Variants in CUL9 observed in about 807,000 individuals in gnomAD.
CUL9 encodes the protein cullin 9.
A neutral mutation model predicts 272.6 loss-of-function variants in CUL9; 79 were observed. That is an observed-to-expected ratio of 0.29 (90% CI 0.24 to 0.35). The LOEUF is 0.35. Ranked by LOEUF, CUL9 falls within the 10% of genes least tolerant of loss-of-function variation. The pLI is 1.00. For synonymous variants in CUL9, 1,186 were observed against 1,286.5 expected (o/e 0.92, Z 1.67); for missense variants, 2,532 against 3,255.6 (o/e 0.78, Z 5.41).
chr6:43,194,319 CTTTTCTTTTCT>C lies in CUL9; in HGVS notation c.2388+1120_2388+1130del, dbSNP rs1456964405. The stretch of plus-strand genomic sequence containing the variant: ...TCTTTTTTTTTCTTTTTTCTTTTTT[CTTTTCTTTTCT>C]TTTTCTTTGACGGAGTCTTGCTCTG... On this transcript the variant is annotated intron_variant, in intron 9 of 40. Transcript: ENST00000252050. Among the ~76,000 whole-genome samples the C allele has an allele frequency of 9.5e-5, 14 of 147,716 alleles. No individual in the cohort carries two copies. In the East Asian group the frequency reaches 2.6e-3, roughly 28 times the overall value.
At position 43,223,219 on chromosome 6, in the gene CUL9, T is replaced by A; in HGVS notation, c.7151-45T>A. 6.4e-7 allele frequency: 1 copy of A among 1,557,544 alleles called. No homozygotes were observed. The highest frequency in any genetic ancestry group is 8.7e-7 in the Non-Finnish European group (1 of 1,146,534). ...GGTGTTTGTTGGAGGAAGGAATGGA[T>A]GAGAATGAGAAGGGAGGGAGCCTCT... On this transcript the variant is annotated intron_variant, in intron 38 of 40. Coordinates refer to ENST00000252050, the MANE Select transcript of CUL9 (RefSeq NM_015089.4). The surrounding 1 kb of genome is among the most constrained non-coding windows in gnomAD (Gnocchi z 4.1).
In CUL9 at chr6:43,213,149, G is replaced by A. The variant is rs374107140; in HGVS notation, c.5213G>A (p.Ser1738Asn). The change falls in exon 27 of 41, where the codon AGT becomes AAT. Residue 1738 changes from serine to asparagine, a missense_variant and splice_region_variant. Coordinates refer to ENST00000252050, the MANE Select transcript of CUL9 (RefSeq NM_015089.4). This position sits in a 1 kb window ranked among gnomAD's most constrained non-coding sequence, Gnocchi z 5.7. ...LDRFSSFYSQ[S>N]QNHPVLDMGP... ...ACCCTTCTCCTTGACACTTGCCTAG[G>A]TCAGAACCATCCAGTCCTGGACATG... 6.2e-7 allele frequency: 1 copy of A among 1,613,844 alleles called. No individual in the cohort carries two copies. Among genetic ancestry groups the A allele is most frequent in the African/African-American group, 1.3e-5 (1 of 74,898 alleles).
At position 43,224,348 on chromosome 6, in the gene CUL9, A is replaced by G; in HGVS notation, c.7457A>G (p.Asp2486Gly). 1 of 1,614,206 alleles carries G rather than the reference A, an allele frequency of 6.2e-7. No individual in the cohort carries two copies. Among genetic ancestry groups the G allele is most frequent in the South Asian group, 1.1e-5 (1 of 91,080 alleles). The part of the protein sequence containing the change: ...WQQDEFDEEL[D>G]NDSFSYDESE... The stretch of plus-strand genomic sequence containing the variant: ...CAGGATGAGTTTGATGAGGAGCTGG[A>G]CAATGACAGCTTCTCCTACGATGAG... Residue 2486 changes from aspartate to glycine, a missense_variant, in exon 41 of 41, where the codon GAC becomes GGC. Asp to Gly is a moderately conservative substitution (Grantham distance 94). Coordinates refer to ENST00000252050, the MANE Select transcript of CUL9 (RefSeq NM_015089.4). The surrounding 1 kb of genome is among the most constrained non-coding windows in gnomAD (Gnocchi z 4.2).
rs1441753131 is a variant in CUL9 at position 43,216,356 on chromosome 6, C to T, written c.6135C>T (p.Asp2045=). Residue 2045 remains aspartate, a synonymous_variant, in exon 31 of 41, where the codon GAC becomes GAT. Transcript: ENST00000252050. ...AGCTGCTGCAGAGCTACAGTGAGGA[C>T]CCTGAGCCACTGCTGCTGGCAGCTG... ...AEQLLQSYSE[D]PEPLLLAAGL... 7.4e-6 allele frequency: 12 copies of T among 1,614,056 alleles called. No homozygotes were observed. The highest frequency in any genetic ancestry group is 1.3e-5 in the African/African-American group (1 of 74,938).
chr6:43,205,410 G>C lies in CUL9; in HGVS notation c.4780G>C (p.Glu1594Gln). The C allele has an allele frequency of 6.2e-7, 1 of 1,614,072 alleles. No homozygotes were observed. The highest frequency in any genetic ancestry group is 8.5e-7 in the Non-Finnish European group (1 of 1,179,952). ...LSGLELATTFEHFYQHYMADR... is the reference protein window; with the variant it reads ...LSGLELATTFQHFYQHYMADR... Reference sequence around the variant, plus strand: ...TGGTCTGGAACTGGCCACAACTTTTGAGCACTTCTATCAGTGAGTGCAGGT... The same window carrying C: ...TGGTCTGGAACTGGCCACAACTTTTCAGCACTTCTATCAGTGAGTGCAGGT... The change falls in exon 24 of 41, where the codon GAG becomes CAG. Residue 1594 changes from glutamate (E) to glutamine (Q), a missense_variant. This residue lies in a region of CUL9 where 2,218 missense variants were observed against 2,788.6 expected (regional missense o/e 0.80). Coordinates refer to ENST00000252050, the MANE Select transcript of CUL9 (RefSeq NM_015089.4).
chr6:43,202,023 G>C (rs1370877763), intron 16 of CUL9, among the ~76,000 whole-genome samples: 2 of 152,258 alleles, frequency 1.3e-5, no homozygotes, highest in South Asian at 2.1e-4. Context: ...TGCTCTAGTA[G>C]AGAAAGGATC....
chr6:43,196,345 C>A, intron 10 of CUL9, 80 bp downstream of exon 10: 1 of 1,366,348 alleles, frequency 7.3e-7, no homozygotes, highest in Non-Finnish European at 1.0e-6. Context: ...CTCATGTACT[C>A]CACAGAAATT....
intron 8 of CUL9, among the ~76,000 whole-genome samples, chr6:43,192,651 G>A (rs1177431692): frequency 6.6e-6 from 1 of 152,138 alleles, no homozygotes; most frequent in Non-Finnish European, 1.5e-5. Context: ...ACTCCAGCCT[G>A]GCAACAGAGC....
In CUL9 at chr6:43,200,116, A is replaced by C; in HGVS notation, c.3344A>C (p.Tyr1115Ser). 6.2e-7 allele frequency: 1 copy of C among 1,614,204 alleles called. No individual in the cohort carries two copies. Among genetic ancestry groups the C allele is most frequent in the South Asian group, 1.1e-5 (1 of 91,088 alleles). ...GAGTGTGAGAAGTACGCACAGCTCT[A>C]TAGCAACCTCACCTCCAGCATCCTG... ...VTECEKYAQL[Y>S]SNLTSSILAG... The change falls in exon 14 of 41, where the codon TAT becomes TCT. Residue 1115 changes from tyrosine (Y) to serine (S), a missense_variant. By Grantham distance (144) the Tyr-to-Ser change is moderately radical. This residue lies in a region of CUL9 where 2,218 missense variants were observed against 2,788.6 expected (regional missense o/e 0.80). Coordinates refer to ENST00000252050, the MANE Select transcript of CUL9 (RefSeq NM_015089.4). The surrounding 1 kb of genome is among the most constrained non-coding windows in gnomAD (Gnocchi z 4.0).
At chr6:43,204,008 C>G in intron 20 of CUL9, 21 bp downstream of exon 20, 3 of 1,576,424 alleles carry the variant, frequency 1.9e-6, no homozygotes, top group Non-Finnish European at 1.7e-6. Context: ...TGACACCTGG[C>G]CCCACTAACC....
chr6:43,209,218 T>C (rs145958766), intron 26 of CUL9, among the ~76,000 whole-genome samples: 4,108 of 150,488 alleles, frequency 0.027, 194 homozygotes, highest in African/African-American at 0.095. Context: ...TGATCTCAGC[T>C]CACTGCAAGC....
intron 21 of CUL9, 35 bp downstream of exon 21, chr6:43,204,574 G>A: frequency 6.2e-7 from 1 of 1,612,324 alleles, no homozygotes; most frequent in Non-Finnish European, 8.5e-7. Flanking sequence ...AGCTGACTCT[G>A]CGGACAGTGG....
intron 31 of CUL9, among the ~76,000 whole-genome samples, chr6:43,216,742 C>T (rs997720178): frequency 1.3e-5 from 2 of 152,186 alleles, no homozygotes; most frequent in African/African-American, 4.8e-5. Flanking sequence ...CTCCAGCTGA[C>T]CTTCATATTA....
intron 26 of CUL9, among the ~76,000 whole-genome samples, chr6:43,211,360 G>A (rs1317725636): frequency 6.6e-6 from 1 of 152,044 alleles, no homozygotes; most frequent in Admixed American, 6.6e-5. Context: ...GAGTTTCAGA[G>A]CAGCCTGGCC....
rs897441378 is a variant in CUL9 at position 43,196,185 on chromosome 6, C to A, written c.2505C>A (p.Ile835=). ...AQMTREIFAS[I]DSATRPGSES... is the part of the protein sequence containing the mutation. Reference sequence around the variant, plus strand: ...TGACCAGAGAGATCTTCGCCAGCATCGACTCAGCCACACGCCCGGGCTCTG... The same window carrying A: ...TGACCAGAGAGATCTTCGCCAGCATAGACTCAGCCACACGCCCGGGCTCTG... The change falls in exon 10 of 41, where the codon ATC becomes ATA. Residue 835 remains isoleucine (I), a synonymous_variant. Transcript: ENST00000252050. The A allele has an allele frequency of 1.9e-6, 3 of 1,614,172 alleles. No homozygotes were observed. In the Admixed American group the frequency reaches 5.0e-5, roughly 27 times the overall value.
Position 43,213,704 on chromosome 6 carries a change from G to A in CUL9, c.5489-9G>A, listed in dbSNP as rs907569291. 8 of 1,611,004 alleles carry A rather than the reference G, an allele frequency of 5.0e-6. No individual in the cohort carries two copies. The highest frequency in any genetic ancestry group is 2.2e-5 in the East Asian group (1 of 44,850). On this transcript the variant is annotated splice_polypyrimidine_tract_variant and intron_variant, in intron 28 of 40. Coordinates refer to ENST00000252050, the MANE Select transcript of CUL9 (RefSeq NM_015089.4). The surrounding 1 kb of genome is among the most constrained non-coding windows in gnomAD (Gnocchi z 5.7). ...CCTCCTCTGGTACCTGACCGGGAGC[G>A]GGTTCCAGGTGTGCTGCGGCTTCAT...
At chr6:43,204,713 G>C (rs941403370) in intron 21 of CUL9, 35 bp from the exon 22 acceptor site, 3 of 1,610,712 alleles carry the variant, frequency 1.9e-6, no homozygotes, top group Non-Finnish European at 2.5e-6. Flanking sequence ...CAGAGGCTGA[G>C]ATGAAACCCC....
At chr6:43,188,478 G>A (rs1562015682) in intron 7 of CUL9, 45 bp from the exon 8 acceptor site, 4 of 1,522,656 alleles carry the variant, frequency 2.6e-6, no homozygotes, top group African/African-American at 2.8e-5. Context: ...CTAACTTCAA[G>A]GTGCCACAGT....
chr6:43,208,286 C>T (rs1199377276), intron 26 of CUL9, among the ~76,000 whole-genome samples: 1 of 152,184 alleles, frequency 6.6e-6, no homozygotes, highest in Non-Finnish European at 1.5e-5. Flanking sequence ...ACTGCAACCT[C>T]CGCCTCCTGG....
Sources: gnomAD v4.1 joint callset for allele counts (sites outside exome capture counted in the v4.1 genomes callset) on GRCh38, gnomAD v4.1.1 for gene constraint, gnomAD v4.1.1 regional missense constraint, Gnocchi (gnomAD v3.1) non-coding constraint, MANE v1.5 for transcripts, NCBI Gene and HGNC (gene_info 2026-07-23, HGNC 2026-07-21) for gene names.